The following MAGI2 variants were observed in gnomAD, a reference collection of about 807,000 sequenced individuals.
MAGI2 encodes membrane-associated guanylate kinase, WW and PDZ domain-containing protein 2.
Under a neutral mutation model 133.3 loss-of-function variants are expected in MAGI2, and 35 were observed. The ratio of observed to expected loss-of-function variants is 0.26; its 90% CI spans 0.20 to 0.35. The LOEUF is 0.35. MAGI2 is among the 10% of genes least tolerant of loss of function. The probability of loss-of-function intolerance (pLI) is 1.00; values close to 1 mark genes in which losing one functional copy is unlikely to be tolerated. For missense variants in MAGI2, 1,636 were observed against 1,863.4 expected (o/e 0.88, Z 2.25); for synonymous variants, 729 against 710.6 (o/e 1.03, Z -0.41).
At chr7:78,564,942 C>T (rs942210567) in intron 3 of MAGI2, among the ~76,000 whole-genome samples, 3 of 151,384 alleles carry the variant, frequency 2.0e-5, no homozygotes, top group African/African-American at 4.9e-5. Context: ...TACAGGCACC[C>T]GCCACCACGC....
intron 1 of MAGI2, among the ~76,000 whole-genome samples, chr7:79,151,296 C>A (rs929867653): frequency 6.6e-6 from 1 of 151,952 alleles, no homozygotes; most frequent in African/African-American, 2.4e-5. Flanking sequence ...ATGTGCTTTA[C>A]AAAAAAATTA....
chr7:79,007,352 C>T lies in MAGI2; in HGVS notation c.302-146G>A, dbSNP rs922947227. On this transcript the variant is annotated intron_variant, in intron 1 of 21. Transcript: ENST00000354212. ...TTTGATCTTCTCAAACATTTACTGC[C>T]ACAATGATAACAGAGATAACATTTA... 2.6e-5 allele frequency: 15 copies of T among 566,782 alleles called. No homozygotes were observed. The African/African-American group carries it at 2.9e-4, about 11-fold the overall frequency. The allele number at this position is 566,782 out of a possible 1,614,324, so 35.1% of individuals were successfully genotyped here. A position where few individuals can be genotyped will look rare whatever the true frequency, so the allele number is the denominator to read the frequency against.
intron 1 of MAGI2, among the ~76,000 whole-genome samples, chr7:79,077,591 A>T (rs201416011): frequency 0.011 from 1,506 of 135,768 alleles, 196 homozygotes; most frequent in African/African-American, 0.025. Flanking sequence ...AAAAAAAAAA[A>T]AAAATAAATA....
At chr7:79,139,249 A>C (rs1349369430) in intron 1 of MAGI2, among the ~76,000 whole-genome samples, 1 of 152,114 alleles carries the variant, frequency 6.6e-6, no homozygotes, top group Non-Finnish European at 1.5e-5. Flanking sequence ...AGTTCCTATT[A>C]TTTCTATTTA....
chr7:79,415,875 G>A (rs923109089), intron 1 of MAGI2, among the ~76,000 whole-genome samples: 1 of 152,158 alleles, frequency 6.6e-6, no homozygotes, highest in African/African-American at 2.4e-5. Context: ...CTCTTCCACA[G>A]TACAGGACAG....
At chr7:79,129,497 C>T (rs890782562) in intron 1 of MAGI2, among the ~76,000 whole-genome samples, 1 of 152,154 alleles carries the variant, frequency 6.6e-6, no homozygotes, top group African/African-American at 2.4e-5. Flanking sequence ...AATCCATCTC[C>T]ATTTATTCTC....
At chr7:78,866,374 C>T (rs868207770) in intron 2 of MAGI2, among the ~76,000 whole-genome samples, 1 of 151,876 alleles carries the variant, frequency 6.6e-6, no homozygotes. Context: ...ACTGAATAGA[C>T]ATAATCTAGC....
intron 9 of MAGI2, among the ~76,000 whole-genome samples, chr7:78,293,450 G>T (rs929602916): frequency 1.1e-4 from 16 of 152,170 alleles, no homozygotes; most frequent in Non-Finnish European, 2.2e-4. Flanking sequence ...TGCTGGAGAG[G>T]ATGTGGAGAA....
chr7:78,493,395 C>G (rs780400668), intron 5 of MAGI2, among the ~76,000 whole-genome samples: 4 of 152,160 alleles, frequency 2.6e-5, no homozygotes, highest in Non-Finnish European at 5.9e-5. Flanking sequence ...CTCACTATCC[C>G]GTGTCATTTC....
chr7:78,306,315 A>C (rs1169320541), intron 9 of MAGI2, among the ~76,000 whole-genome samples: 1 of 152,186 alleles, frequency 6.6e-6, no homozygotes, highest in African/African-American at 2.4e-5. Context: ...AGCATGTCAG[A>C]TGGTATAAAA....
intron 6 of MAGI2, among the ~76,000 whole-genome samples, chr7:78,390,330 C>T (rs962556437): frequency 1.3e-5 from 2 of 152,154 alleles, no homozygotes; most frequent in African/African-American, 4.8e-5. Context: ...TTCCATTTCT[C>T]CTTTCAGCTT....
chr7:78,070,608 A>G (rs1409469534), intron 21 of MAGI2, among the ~76,000 whole-genome samples: 26 of 121,540 alleles, frequency 2.1e-4, no homozygotes, highest in African/African-American at 6.5e-4. Flanking sequence ...ATATATGTGT[A>G]TATATATATG....
At chr7:78,373,548 CTTACTATTGGA>C (rs1477343774) in intron 6 of MAGI2, among the ~76,000 whole-genome samples, 1 of 77,608 alleles carries the variant, frequency 1.3e-5, no homozygotes, top group East Asian at 2.5e-4. Context: ...GTCACTTACT[CTTACTATTGGA>C]GGGCTCCTAC....
chr7:78,661,138 A>G (rs1812913310), intron 2 of MAGI2, among the ~76,000 whole-genome samples: 1 of 152,180 alleles, frequency 6.6e-6, no homozygotes, highest in Non-Finnish European at 1.5e-5. Flanking sequence ...TTTCATTTGT[A>G]TTTAAGAAGT....
At chr7:78,534,716 CTT>C (rs1412941198) in intron 3 of MAGI2, among the ~76,000 whole-genome samples, 1 of 152,128 alleles carries the variant, frequency 6.6e-6, no homozygotes, top group African/African-American at 2.4e-5. Flanking sequence ...TGATATTGAC[CTT>C]TGTTTCTAGA....
Position 78,465,868 on chromosome 7 carries a change from C to T in MAGI2, c.1045+23893G>A, listed in dbSNP as rs113384114. Among the ~76,000 whole-genome samples the T allele has an allele frequency of 1.2e-3, 190 of 152,270 alleles. 2 individuals are homozygous for T. Among genetic ancestry groups the T allele is most frequent in the African/African-American group, 4.2e-3 (173 of 41,572 alleles). The stretch of plus-strand genomic sequence containing the variant: ...TTCTCATCTCCTGAGTAGACTATTG[C>T]CATCATTTCTCTGCTTTAACTTAGT... On this transcript the variant is annotated intron_variant, in intron 6 of 21. Coordinates refer to ENST00000354212, the MANE Select transcript of MAGI2 (RefSeq NM_012301.4).
chr7:78,812,213 C>A (rs1206862680), intron 2 of MAGI2, among the ~76,000 whole-genome samples: 1 of 152,022 alleles, frequency 6.6e-6, no homozygotes, highest in Non-Finnish European at 1.5e-5. Context: ...AACTACAGAC[C>A]TGTAAGATAA....
intron 2 of MAGI2, among the ~76,000 whole-genome samples, chr7:78,804,772 A>T (rs1380683003): frequency 7.9e-6 from 1 of 126,554 alleles, no homozygotes; most frequent in African/African-American, 3.0e-5. Flanking sequence ...AAAAAAAAAA[A>T]CCTTTGGCCC....
intron 7 of MAGI2, among the ~76,000 whole-genome samples, chr7:78,365,446 T>G (rs560068214): frequency 3.8e-4 from 58 of 152,326 alleles, no homozygotes; most frequent in African/African-American, 1.3e-3. Context: ...GCAGTCAAAC[T>G]GCCTGGGTCC....
Sources: gnomAD v4.1 joint callset for allele counts (sites outside exome capture counted in the v4.1 genomes callset) on GRCh38, gnomAD v4.1.1 for gene constraint, MANE v1.5 for transcripts, NCBI Gene and HGNC (gene_info 2026-07-23, HGNC 2026-07-21) for gene names.